The following ZBTB49 variants were observed in gnomAD, a reference collection of about 807,000 sequenced individuals.
The protein encoded by ZBTB49 is zinc finger and BTB domain-containing protein 49.
A neutral mutation model predicts 57.5 loss-of-function variants in ZBTB49; 43 were observed. The observed-to-expected ratio is 0.75, with a 90% CI of 0.59 to 0.97. The LOEUF (loss-of-function observed/expected upper bound fraction) is 0.97, where lower values mean the gene tolerates loss of function less well. Among genes scored for constraint, ZBTB49 ranks in the 50% least tolerant of loss-of-function variants. The pLI is 0.00. For synonymous variants in ZBTB49, 369 were observed against 362.1 expected (o/e 1.02, Z -0.22); for missense variants, 938 against 947.7 (o/e 0.99, Z 0.13).
chr4:4,299,008 CAGTT>C (rs536075041), intron 1 of ZBTB49, among the ~76,000 whole-genome samples: 14 of 152,226 alleles, frequency 9.2e-5, no homozygotes, highest in Non-Finnish European at 1.8e-4. Context: ...ACACAGTAGT[CAGTT>C]GGAGAACAGA....
At position 4,315,890 on chromosome 4, in the gene ZBTB49, A is replaced by C; in HGVS notation, c.1541A>C (p.Lys514Thr). Residue 514 changes from lysine (K) to threonine (T), a missense_variant, in exon 7 of 8, where the codon AAG becomes ACG. Physicochemically the swap from Lys to Thr is moderately conservative, Grantham distance 78. Around this residue, in one of 3 missense-constraint regions of ZBTB49, gnomAD observed 835 missense variants for 819.1 expected, o/e 1.02. Coordinates refer to ENST00000337872, the MANE Select transcript of ZBTB49 (RefSeq NM_145291.4). Reference sequence around the variant, plus strand: ...GTCTTCACCTGTGATGAGTGTGGAAAGTCTTTTAATATGCAAAGGAAGTTA... The same window carrying C: ...GTCTTCACCTGTGATGAGTGTGGAACGTCTTTTAATATGCAAAGGAAGTTA... ...DKVFTCDECG[K>T]SFNMQRKLVK... 1.9e-6 allele frequency: 3 copies of C among 1,614,242 alleles called. No homozygotes were observed. Among genetic ancestry groups the C allele is most frequent in the South Asian group, 2.2e-5 (2 of 91,088 alleles).
chr4:4,297,212 A>C (rs903353971), intron 1 of ZBTB49, among the ~76,000 whole-genome samples: 1 of 152,110 alleles, frequency 6.6e-6, no homozygotes. Flanking sequence ...CTGGGATTAT[A>C]GGCACTCGCC....
chr4:4,307,389 T>G (rs558072465), intron 4 of ZBTB49, among the ~76,000 whole-genome samples: 34 of 152,352 alleles, frequency 2.2e-4, no homozygotes, highest in African/African-American at 6.3e-4. Flanking sequence ...CCTCTGGGGC[T>G]GGACAGTCTA....
chr4:4,306,753 T>G (rs1720752146), intron 4 of ZBTB49, among the ~76,000 whole-genome samples: 1 of 152,176 alleles, frequency 6.6e-6, no homozygotes, highest in African/African-American at 2.4e-5. Context: ...AGACCTAATG[T>G]TTTCTAGAAA....
intron 1 of ZBTB49, among the ~76,000 whole-genome samples, chr4:4,298,809 A>G (rs147050730): frequency 1.2e-3 from 185 of 152,132 alleles, no homozygotes; most frequent in Admixed American, 3.2e-3. Context: ...ATCATCCCCT[A>G]CTAGACTGCG....
chr4:4,310,118 A>C (rs977213863), intron 4 of ZBTB49, among the ~76,000 whole-genome samples: 17 of 152,224 alleles, frequency 1.1e-4, no homozygotes, highest in African/African-American at 4.1e-4. Flanking sequence ...AGTACCTGTC[A>C]GAAGGAGTTT....
rs142360401 is a variant in ZBTB49 at position 4,300,156 on chromosome 4, T to C, written c.152+59T>C. 1,432 of 1,571,030 alleles carry C rather than the reference T, an allele frequency of 9.1e-4. 10 individuals are homozygous for C. In the African/African-American group the frequency reaches 0.017, roughly 19 times the overall value. On this transcript the variant is annotated intron_variant, in intron 2 of 7. Transcript: ENST00000337872. ...AATTAAGGGTAAAGCTCTTTTAGTATGGAAGTATTCATATTTTGTTCTCCT... is the reference window on the plus strand; with the variant it reads ...AATTAAGGGTAAAGCTCTTTTAGTACGGAAGTATTCATATTTTGTTCTCCT...
rs2980179 is a variant in ZBTB49 at position 4,314,091 on chromosome 4, G to A, written c.1376+977G>A. ...GAAAGCCGAGGAGGAAGCGACTCTCGATTCAGTTTCAGGAAAACCATTTCT... is the reference window on the plus strand; with the variant it reads ...GAAAGCCGAGGAGGAAGCGACTCTCAATTCAGTTTCAGGAAAACCATTTCT... On this transcript the variant is annotated intron_variant, in intron 5 of 7. Transcript: ENST00000337872. Among the ~76,000 whole-genome samples, 533 of 152,296 alleles carry A rather than the reference G, an allele frequency of 3.5e-3. 4 individuals carry two copies. Among genetic ancestry groups the A allele is most frequent in the African/African-American group, 0.012 (503 of 41,560 alleles).
Position 4,321,490 on chromosome 4 carries a change from G to C in ZBTB49, c.*174G>C, listed in dbSNP as rs1386424488. On this transcript the variant is annotated 3_prime_UTR_variant, in exon 8 of 8. Transcript: ENST00000337872. ...GCATCTTGAGCTGGGGGTGTGAGGG[G>C]GAGGGCCTGCTGGCTCACCGTGAGG... The C allele has an allele frequency of 7.9e-6, 6 of 754,924 alleles. No individual in the cohort carries two copies. Among genetic ancestry groups the C allele is most frequent in the Non-Finnish European group, 1.2e-5 (6 of 480,428 alleles). The allele number at this position is 754,924 out of a possible 1,614,324, so 46.8% of individuals were successfully genotyped here.
At chr4:4,300,151 T>C (rs1720413367) in intron 2 of ZBTB49, 54 bp downstream of exon 2, 2 of 1,589,548 alleles carry the variant, frequency 1.3e-6, no homozygotes, top group African/African-American at 2.7e-5. Context: ...AAAGCTCTTT[T>C]AGTATGGAAG....
intron 4 of ZBTB49, among the ~76,000 whole-genome samples, chr4:4,308,099 A>G (rs567043497): frequency 3.9e-5 from 6 of 152,110 alleles, no homozygotes; most frequent in Non-Finnish European, 8.8e-5. Context: ...TTTATTTTTG[A>G]TGGAGCATCG....
chr4:4,295,252 C>T (rs568013355), intron 1 of ZBTB49, among the ~76,000 whole-genome samples: 3 of 151,948 alleles, frequency 2.0e-5, no homozygotes, highest in African/African-American at 4.8e-5. Context: ...TGGCAGAAGG[C>T]GAAGGGGAAG....
intron 1 of ZBTB49, among the ~76,000 whole-genome samples, chr4:4,291,695 T>G (rs1577225710): frequency 6.6e-6 from 1 of 152,352 alleles, no homozygotes; most frequent in East Asian, 1.9e-4. Context: ...TGTTTGTTTG[T>G]CCTCCTGAAT....
chr4:4,309,384 GGGAAGTGTTT>G (rs1421309087), intron 4 of ZBTB49, among the ~76,000 whole-genome samples: 1 of 152,218 alleles, frequency 6.6e-6, no homozygotes, highest in Non-Finnish European at 1.5e-5. Flanking sequence ...CGCAGTCAGA[GGGAAGTGTTT>G]CCTCTGTGGC....
Position 4,302,229 on chromosome 4 carries a change from T to A in ZBTB49, c.393T>A (p.Asn131Lys). 1.9e-6 allele frequency: 3 copies of A among 1,614,268 alleles called. No individual in the cohort carries two copies. Among genetic ancestry groups the A allele is most frequent in the Non-Finnish European group, 2.5e-6 (3 of 1,180,046 alleles). Residue 131 changes from asparagine (N) to lysine (K), a missense_variant, in exon 3 of 8, where the codon AAT (asparagine) becomes AAA (lysine). Asn to Lys is a moderately conservative substitution (Grantham distance 94, BLOSUM62 0). Coordinates refer to ENST00000337872, the MANE Select transcript of ZBTB49 (RefSeq NM_145291.4). ...TVVQPPGMPC[N>K]STLSLQSTLT... Reference sequence around the variant, plus strand: ...TACAGCCACCTGGCATGCCTTGTAATAGTACATTGTCTCTACAAAGCACCC... The same window carrying A: ...TACAGCCACCTGGCATGCCTTGTAAAAGTACATTGTCTCTACAAAGCACCC...
At chr4:4,290,813 T>TTGTG (rs1240029238) in intron 1 of ZBTB49, among the ~76,000 whole-genome samples, 1 of 152,242 alleles carries the variant, frequency 6.6e-6, no homozygotes, top group Non-Finnish European at 1.5e-5. Context: ...TGTGGCCTCT[T>TTGTG]TGTGCCTCAG....
In ZBTB49 at chr4:4,300,240, T is replaced by A. The variant is rs73195806; in HGVS notation, c.152+143T>A. ...TGGATTTTGTAGGAGTTGTTTTAAT[T>A]TTTAAGTTTGTTAACCATTTTTATT... On this transcript the variant is annotated intron_variant, in intron 2 of 7. Transcript: ENST00000337872. 110 of 946,650 alleles carry A rather than the reference T, an allele frequency of 1.2e-4. 1 individual carries two copies. In the South Asian group the frequency reaches 2.5e-3, roughly 21 times the overall value. The allele number at this position is 946,650 out of a possible 1,614,324, so 58.6% of individuals were successfully genotyped here.
intron 1 of ZBTB49, among the ~76,000 whole-genome samples, chr4:4,297,159 C>G (rs570982930): frequency 6.6e-6 from 1 of 152,206 alleles, no homozygotes; most frequent in Admixed American, 6.5e-5. Context: ...CAACCTCCCC[C>G]GCCTGGGTTC....
intron 7 of ZBTB49, among the ~76,000 whole-genome samples, chr4:4,319,002 C>T (rs1158279007): frequency 6.7e-6 from 1 of 149,708 alleles, no homozygotes; most frequent in Non-Finnish European, 1.5e-5. Context: ...GCAGTCCTCT[C>T]GCCTCAGTCT....
Sources: gnomAD v4.1 joint callset for allele counts (sites outside exome capture counted in the v4.1 genomes callset) on GRCh38, gnomAD v4.1.1 for gene constraint, gnomAD v4.1.1 regional missense constraint, MANE v1.5 for transcripts, NCBI Gene and HGNC (gene_info 2026-07-23, HGNC 2026-07-21) for gene names.